Variants in ZNF628 observed in about 807,000 individuals in gnomAD.
ZNF628 encodes zinc finger protein 628.
A neutral mutation model predicts 2.5 loss-of-function variants in ZNF628; 3 were observed. That is an observed-to-expected ratio of 1.19 (90% CI 0.54 to 3.07). The LOEUF is 3.07. ZNF628 is among the 30% of genes most tolerant of loss of function. The probability of loss-of-function intolerance (pLI) is 0.03; values close to 1 mark genes in which losing one functional copy is unlikely to be tolerated. For missense variants in ZNF628, 1,610 were observed against 1,517.1 expected (o/e 1.06, Z -1.02); for synonymous variants, 861 against 717.1 (o/e 1.20, Z -3.21).
chr19:55,481,898 C>T lies in ZNF628; in HGVS notation c.705C>T (p.Ala235=), dbSNP rs1321215822. ...THGAAPAPGT[A]SAAPPPQSRE... ...GCGCCGCCCCCGCCCCGGGTACCGC[C>T]TCCGCGGCCCCGCCCCCCCAGTCCC... The change falls in exon 3 of 3, where the codon GCC becomes GCT. Residue 235 remains alanine (A), a synonymous_variant. Coordinates refer to ENST00000598519, the MANE Select transcript of ZNF628 (RefSeq NM_033113.3). 4.6e-5 allele frequency: 69 copies of T among 1,490,006 alleles called. No individual in the cohort carries two copies. Among genetic ancestry groups the T allele is most frequent in the Non-Finnish European group, 6.0e-5 (68 of 1,124,490 alleles). The allele number at this position is 1,490,006 out of a possible 1,614,324, so 92.3% of individuals were successfully genotyped here.
At position 55,482,508 on chromosome 19, in the gene ZNF628, G is replaced by GCCCCC; in HGVS notation, c.1315_1316insCCCCC (p.Val439AlafsTer205). The GCCCCC allele has an allele frequency of 5.4e-6, 7 of 1,296,412 alleles. No homozygotes were observed. Among genetic ancestry groups the GCCCCC allele is most frequent in the Admixed American group, 2.6e-5 (1 of 39,124 alleles). The allele number at this position is 1,296,412 out of a possible 1,614,324, so 80.3% of individuals were successfully genotyped here. ...GGAACCGCTGGCGCCTGCCGCCCCC[G>GCCCCC]TCCCGCCGCCACCCCCGTCCGCCCC... On this transcript the variant is annotated frameshift_variant, in exon 3 of 3. Transcript: ENST00000598519. LOFTEE classifies it low-confidence loss of function (END_TRUNC).
At position 55,482,584 on chromosome 19, in the gene ZNF628, A is replaced by C; in HGVS notation, c.1391A>C (p.Lys464Thr). 1 of 1,600,762 alleles carries C rather than the reference A, an allele frequency of 6.2e-7. No homozygotes were observed. Among genetic ancestry groups the C allele is most frequent in the Non-Finnish European group, 8.5e-7 (1 of 1,176,206 alleles). The change falls in exon 3 of 3, where the codon AAG becomes ACG. Residue 464 changes from lysine to threonine, a missense_variant. By Grantham distance (78) the Lys-to-Thr change is moderately conservative (BLOSUM62 -1). This residue lies in a region of ZNF628 where 651 missense variants were observed against 575.6 expected (regional missense o/e 1.13). Coordinates refer to ENST00000598519, the MANE Select transcript of ZNF628 (RefSeq NM_033113.3). ...TGTGCCGAGTGCGGCAAGTCCTTCAAGGGCTCCTCCGGGCTGCGCTACCAC... is the reference window on the plus strand; with the variant it reads ...TGTGCCGAGTGCGGCAAGTCCTTCACGGGCTCCTCCGGGCTGCGCTACCAC... ...YKCAECGKSF[K>T]GSSGLRYHLR...
chr19:55,479,010 A>G lies in ZNF628; in HGVS notation c.-77-824A>G, dbSNP rs996592445. On this transcript the variant is annotated intron_variant, in intron 1 of 2. Coordinates refer to ENST00000598519, the MANE Select transcript of ZNF628 (RefSeq NM_033113.3). This position sits in a 1 kb window ranked among gnomAD's most constrained non-coding sequence, Gnocchi z 5.1. Reference sequence around the variant, plus strand: ...GTGGCATTCAGAGGGTAGGTCTTATAGAGCTGGAGGCCTGGAGTCATTGTT... The same window carrying G: ...GTGGCATTCAGAGGGTAGGTCTTATGGAGCTGGAGGCCTGGAGTCATTGTT... Among the ~76,000 whole-genome samples the G allele has an allele frequency of 2.6e-5, 4 of 152,152 alleles. No homozygotes were observed. Among genetic ancestry groups the G allele is most frequent in the African/African-American group, 9.7e-5 (4 of 41,424 alleles).
intron 1 of ZNF628, among the ~76,000 whole-genome samples, chr19:55,477,584 A>C (rs951131636): frequency 6.6e-6 from 1 of 151,934 alleles, no homozygotes; most frequent in East Asian, 1.9e-4. Context: ...CAATATGGTG[A>C]AACCCCGTCT....
intron 1 of ZNF628, 31 bp downstream of exon 1, chr19:55,476,838 G>T (rs1461148669): frequency 1.4e-5 from 2 of 140,800 alleles, no homozygotes; most frequent in Non-Finnish European, 3.1e-5. Context: ...GGGGTGGGGG[G>T]AGGGACCGGA....
Position 55,483,443 on chromosome 19 carries a change from T to C in ZNF628, c.2250T>C (p.Ala750=). The C allele has an allele frequency of 6.6e-7, 1 of 1,512,764 alleles. No individual in the cohort carries two copies. Among genetic ancestry groups the C allele is most frequent in the Non-Finnish European group, 8.8e-7 (1 of 1,132,544 alleles). The allele number at this position is 1,512,764 out of a possible 1,614,324, so 93.7% of individuals were successfully genotyped here. The change falls in exon 3 of 3, where the codon GCT becomes GCC. Residue 750 remains alanine, a synonymous_variant. Coordinates refer to ENST00000598519, the MANE Select transcript of ZNF628 (RefSeq NM_033113.3). ...PKLILLPSSS[A]GAGGGRARQG... ...TCATCCTGCTGCCCTCCTCCAGTGCTGGGGCTGGGGGCGGCCGTGCAAGGC... is the reference window on the plus strand; with the variant it reads ...TCATCCTGCTGCCCTCCTCCAGTGCCGGGGCTGGGGGCGGCCGTGCAAGGC...
In ZNF628 at chr19:55,483,475, C is replaced by T. The variant is rs1274652343; in HGVS notation, c.2282C>T (p.Pro761Leu). The change falls in exon 3 of 3, where the codon CCG becomes CTG. Residue 761 changes from proline to leucine, a missense_variant. By Grantham distance (98) the Pro-to-Leu change is moderately conservative. This residue lies in a region of ZNF628 where 712 missense variants were observed against 603.6 expected (regional missense o/e 1.18). Transcript: ENST00000598519. The part of the protein sequence containing the change: ...GAGGGRARQG[P>L]RAVGKAGQGA... ...GGGGGCGGCCGTGCAAGGCAGGGCC[C>T]GCGGGCAGTGGGGAAAGCGGGCCAG... 4 of 1,522,910 alleles carry T rather than the reference C, an allele frequency of 2.6e-6. No individual in the cohort carries two copies. The highest frequency in any genetic ancestry group is 3.5e-6 in the Non-Finnish European group (4 of 1,137,378). The allele number at this position is 1,522,910 out of a possible 1,614,324, so 94.3% of individuals were successfully genotyped here.
rs764122824 is a variant in ZNF628, at chr19:55,484,025, C to T, written c.2832C>T (p.Gly944=). The T allele has an allele frequency of 2.5e-6, 4 of 1,593,520 alleles. No individual in the cohort carries two copies. The highest frequency in any genetic ancestry group is 2.3e-5 in the East Asian group (1 of 43,780). The part of the protein sequence containing the change: ...QSVLVLSGAD[G]EQTRLCVQEV... The stretch of plus-strand genomic sequence containing the variant: ...TGCTGGTGCTGAGCGGGGCCGATGG[C>T]GAACAGACTCGACTCTGCGTACAGG... Residue 944 remains glycine (G), a synonymous_variant, in exon 3 of 3, where the codon GGC becomes GGT. Transcript: ENST00000598519.
rs1986635756 is a variant in ZNF628, at chr19:55,479,121, G to A, written c.-77-713G>A. Among the ~76,000 whole-genome samples, 1 of 152,094 alleles carries A rather than the reference G, an allele frequency of 6.6e-6. No individual in the cohort carries two copies. Among genetic ancestry groups the A allele is most frequent in the South Asian group, 2.1e-4 (1 of 4,818 alleles). ...ACAAAGTGGTGCCGGAGCCCCGGGC[G>A]CTCCCACATCTAGAGGTCAGGGAGG... On this transcript the variant is annotated intron_variant, in intron 1 of 2. Transcript: ENST00000598519. This position sits in a 1 kb window ranked among gnomAD's most constrained non-coding sequence, Gnocchi z 5.1.
rs1348991442 is a variant in ZNF628, at chr19:55,484,411, C to G, written c.*38C>G. 4 of 1,416,608 alleles carry G rather than the reference C, an allele frequency of 2.8e-6. No individual in the cohort carries two copies. The allele number at this position is 1,416,608 out of a possible 1,614,324, so 87.8% of individuals were successfully genotyped here. A position where few individuals can be genotyped will look rare whatever the true frequency, so the allele number is the denominator to read the frequency against. ...ATTCCCCTCCCGCCCCGCACAGAGACCCCGACTCACTGCCAGCCGGGGCGG... is the reference window on the plus strand; with the variant it reads ...ATTCCCCTCCCGCCCCGCACAGAGAGCCCGACTCACTGCCAGCCGGGGCGG... On this transcript the variant is annotated 3_prime_UTR_variant, in exon 3 of 3. Transcript: ENST00000598519.
chr19:55,480,938 C>T (rs960481989), intron 2 of ZNF628, among the ~76,000 whole-genome samples: 3 of 152,206 alleles, frequency 2.0e-5, no homozygotes, highest in Non-Finnish European at 4.4e-5. Flanking sequence ...CCCCAGCCTT[C>T]TCAGACCTGG....
Position 55,476,801 on chromosome 19 carries a change from G to C in ZNF628, c.-84G>C, listed in dbSNP as rs1203939280. ...TGCCACCCTCGTTCCCCCGATTGGG[G>C]CCGCAGGTGAGAGACCGGAGGGGGT... On this transcript the variant is annotated 5_prime_UTR_variant, in exon 1 of 3. Coordinates refer to ENST00000598519, the MANE Select transcript of ZNF628 (RefSeq NM_033113.3). 6.9e-6 allele frequency: 1 copy of C among 145,124 alleles called. No homozygotes were observed. The allele number at this position is 145,124 out of a possible 1,614,324, so 9.0% of individuals were successfully genotyped here.
At chr19:55,481,081 C>G in intron 2 of ZNF628, 120 bp from the exon 3 acceptor site, 1 of 1,326,428 alleles carries the variant, frequency 7.5e-7, no homozygotes, top group Non-Finnish European at 1.0e-6. Context: ...TAAGGAAGGT[C>G]CCCTGCAAAG....
Position 55,482,013 on chromosome 19 carries a change from C to A in ZNF628, c.820C>A (p.Pro274Thr). 6.8e-7 allele frequency: 1 copy of A among 1,476,532 alleles called. No homozygotes were observed. 91.5% of individuals were successfully genotyped at this position (1,476,532 alleles called of 1,614,324 possible). A position where few individuals can be genotyped will look rare whatever the true frequency, so the allele number is the denominator to read the frequency against. Residue 274 changes from proline to threonine, a missense_variant, in exon 3 of 3, where the codon CCG (proline) becomes ACG (threonine). This residue lies in a region of ZNF628 where 651 missense variants were observed against 575.6 expected (regional missense o/e 1.13). Transcript: ENST00000598519. ...SPPAPPAPPP[P>T]PPPVVPELFL... is the part of the protein sequence containing the mutation. ...GCCCGCGCCTCCCGCCCCGCCGCCC[C>A]CGCCCCCGCCCGTGGTGCCTGAGCT...
At position 55,483,875 on chromosome 19, in the gene ZNF628, C is replaced by T. The variant is rs752699824; in HGVS notation, c.2682C>T (p.Ser894=). 6.2e-7 allele frequency: 1 copy of T among 1,608,020 alleles called. No homozygotes were observed. The highest frequency in any genetic ancestry group is 2.2e-5 in the East Asian group (1 of 44,704). ...CACCCAACCTGCTGGTTGTTCAGAGCGGGGCAGCTGAGGAGTTGCTCACTG... is the reference window on the plus strand; with the variant it reads ...CACCCAACCTGCTGGTTGTTCAGAGTGGGGCAGCTGAGGAGTTGCTCACTG... ...TEAPNLLVVQ[S]GAAEELLTGP... is the part of the protein sequence containing the mutation. Residue 894 remains serine (S), a synonymous_variant, in exon 3 of 3, where the codon AGC becomes AGT. Transcript: ENST00000598519.
chr19:55,481,474 G>A lies in ZNF628; in HGVS notation c.281G>A (p.Cys94Tyr). The change falls in exon 3 of 3, where the codon TGC (cysteine) becomes TAC (tyrosine). Residue 94 changes from cysteine (C) to tyrosine (Y), a missense_variant. Around this residue, in one of 5 missense-constraint regions of ZNF628, gnomAD observed 166 missense variants for 241.3 expected, o/e 0.69. Transcript: ENST00000598519. Reference sequence around the variant, plus strand: ...CACACGGGCGAGCGGCCCTACCAGTGCCCCGACTGTCCCAAGGCCTTCAAG... The same window carrying A: ...CACACGGGCGAGCGGCCCTACCAGTACCCCGACTGTCCCAAGGCCTTCAAG... ...RGHTGERPYQ[C>Y]PDCPKAFKRS... 1 of 1,612,784 alleles carries A rather than the reference G, an allele frequency of 6.2e-7. No homozygotes were observed. Among genetic ancestry groups the A allele is most frequent in the Non-Finnish European group, 8.5e-7 (1 of 1,179,724 alleles).
At chr19:55,481,151 G>A in intron 2 of ZNF628, 50 bp from the exon 3 acceptor site, 1 of 1,462,032 alleles carries the variant, frequency 6.8e-7, no homozygotes, top group Non-Finnish European at 9.0e-7. Context: ...GTTTGGGGTT[G>A]AGATGATCCA....
rs766395275 is a variant in ZNF628 at position 55,483,061 on chromosome 19, C to G, written c.1868C>G (p.Thr623Ser). Reference sequence around the variant, plus strand: ...ACGCACTCGGCGGAGCGCCCCTTCACCTGCCCCATCTGCGGTCGCGGCTTC... The same window carrying G: ...ACGCACTCGGCGGAGCGCCCCTTCAGCTGCCCCATCTGCGGTCGCGGCTTC... ...QRTHSAERPF[T>S]CPICGRGFVM... Residue 623 changes from threonine to serine, a missense_variant, in exon 3 of 3, where the codon ACC becomes AGC. Thr to Ser is a moderately conservative substitution (Grantham distance 58). Coordinates refer to ENST00000598519, the MANE Select transcript of ZNF628 (RefSeq NM_033113.3). 1 of 1,610,884 alleles carries G rather than the reference C, an allele frequency of 6.2e-7. No homozygotes were observed. The highest frequency in any genetic ancestry group is 1.3e-5 in the African/African-American group (1 of 74,916).
At chr19:55,477,784 A>C (rs1381040979) in intron 1 of ZNF628, among the ~76,000 whole-genome samples, 3 of 151,922 alleles carry the variant, frequency 2.0e-5, no homozygotes, top group Non-Finnish European at 1.5e-5. Flanking sequence ...AAAAAAACAC[A>C]CAAGTTCTTG....
Sources: gnomAD v4.1 joint callset for allele counts (sites outside exome capture counted in the v4.1 genomes callset) on GRCh38, gnomAD v4.1.1 for gene constraint, gnomAD v4.1.1 regional missense constraint, Gnocchi (gnomAD v3.1) non-coding constraint, MANE v1.5 for transcripts, NCBI Gene and HGNC (gene_info 2026-07-23, HGNC 2026-07-21) for gene names.